The following GLP2R variants were observed in gnomAD, a reference collection of about 807,000 sequenced individuals.
GLP2R encodes the protein glucagon like peptide 2 receptor.
Under a neutral mutation model 68.2 loss-of-function variants are expected in GLP2R, and 59 were observed. The ratio of observed to expected loss-of-function variants is 0.87; its 90% confidence interval spans 0.70 to 1.07. GLP2R has a LOEUF of 1.07. Ranked by LOEUF, GLP2R falls within the 50% of genes least tolerant of loss-of-function variation. The probability of loss-of-function intolerance (pLI) is 0.00; values close to 1 mark genes in which losing one functional copy is unlikely to be tolerated. For synonymous variants in GLP2R, 270 were observed against 265.4 expected, an observed-to-expected ratio of 1.02 and a Z score of -0.17; for missense variants, 548 against 677.4, an observed-to-expected ratio of 0.81 and a Z score of 2.12.
rs1222682115 is a variant in GLP2R at position 9,862,034 on chromosome 17, A to G, written c.1000A>G (p.Asn334Asp). ...TGTTGACCTTAGGTGCTGGACAACA[A>G]ATGGGAATAAGAAAATCTGGTGGAT... ...HLENTGCWTT[N>D]GNKKIWWIIR... Residue 334 changes from asparagine to aspartate, a missense_variant, in exon 9 of 13, where the codon AAT becomes GAT. Coordinates refer to ENST00000262441, the MANE Select transcript of GLP2R (RefSeq NM_004246.3). The G allele has an allele frequency of 6.2e-7, 1 of 1,613,296 alleles. No individual in the cohort carries two copies. The highest frequency in any genetic ancestry group is 1.3e-5 in the African/African-American group (1 of 74,902).
Position 9,861,141 on chromosome 17 carries a change from T to G in GLP2R, c.928T>G (p.Phe310Val), listed in dbSNP as rs771534460. ...ATTTCCCTGTGTTTTCTCCCCAGCC[T>G]TCCCTGTGCTATTTGTTGTACCCTG... ...WPRYLLLGWA[F>V]PVLFVVPWGF... The change falls in exon 8 of 13, where the codon TTC becomes GTC. Residue 310 changes from phenylalanine to valine, a missense_variant and splice_region_variant. Physicochemically the swap from Phe to Val is conservative, Grantham distance 50. Coordinates refer to ENST00000262441, the MANE Select transcript of GLP2R (RefSeq NM_004246.3). 9 of 1,613,366 alleles carry G rather than the reference T, an allele frequency of 5.6e-6. No individual in the cohort carries two copies. The highest frequency in any genetic ancestry group is 7.6e-6 in the Non-Finnish European group (9 of 1,179,512).
intron 4 of GLP2R, among the ~76,000 whole-genome samples, chr17:9,844,264 A>T (rs1413881388): frequency 1.3e-5 from 2 of 152,104 alleles, no homozygotes; most frequent in Non-Finnish European, 2.9e-5. Context: ...TTGTATATTG[A>T]AGTAGGAGAG....
Position 9,845,835 on chromosome 17 carries a change from A to G in GLP2R, c.504+3219A>G, listed in dbSNP as rs377617642. ...GCTTTTTGTTAAGTTATTAAGGTCA[A>G]TGCTATTTCATATAGTTTTTTATTC... On this transcript the variant is annotated intron_variant, in intron 4 of 12. Transcript: ENST00000262441. Among the ~76,000 whole-genome samples, 6 of 152,190 alleles carry G rather than the reference A, an allele frequency of 3.9e-5. No individual in the cohort carries two copies. In the East Asian group the frequency reaches 7.7e-4, roughly 20 times the overall value.
In GLP2R at chr17:9,836,264, C is replaced by T. The variant is rs147269463; in HGVS notation, c.278-107C>T. 2.0e-3 allele frequency: 1,540 copies of T among 752,000 alleles called. 9 individuals are homozygous for T. The highest frequency in any genetic ancestry group is 6.0e-3 in the South Asian group (390 of 65,496). The allele number at this position is 752,000 out of a possible 1,614,324, so 46.6% of individuals were successfully genotyped here. The stretch of plus-strand genomic sequence containing the variant: ...CATGCTGGTTTCTGCACAGGTTACA[C>T]CAGCTTCCAGTGCCAGGAAGGTGGG... On this transcript the variant is annotated intron_variant, in intron 2 of 12. Transcript: ENST00000262441.
intron 1 of GLP2R, among the ~76,000 whole-genome samples, chr17:9,828,457 A>T (rs2066652305): frequency 6.6e-6 from 1 of 152,234 alleles, no homozygotes; most frequent in Admixed American, 6.5e-5. Flanking sequence ...TTTTGTTCAC[A>T]AATGTGGATT....
chr17:9,838,930 G>A (rs772067012), intron 3 of GLP2R, among the ~76,000 whole-genome samples: 1 of 152,318 alleles, frequency 6.6e-6, no homozygotes, highest in African/African-American at 2.4e-5. Context: ...GGAGAATGGC[G>A]TGAACCCGGG....
rs2067185510 is a variant in GLP2R at position 9,880,487 on chromosome 17, T to G, written c.1255T>G (p.Phe419Val). 6.2e-7 allele frequency: 1 copy of G among 1,605,770 alleles called. No homozygotes were observed. Among genetic ancestry groups the G allele is most frequent in the Non-Finnish European group, 8.5e-7 (1 of 1,174,926 alleles). The stretch of plus-strand genomic sequence containing the variant: ...AGGATTTGCAAAACTTATACGACTT[T>G]TCATTCAGTTGACACTGAGCTCCTT... ...VEGFAKLIRL[F>V]IQLTLSSFHG... Residue 419 changes from phenylalanine to valine, a missense_variant, in exon 11 of 13, where the codon TTC becomes GTC. Coordinates refer to ENST00000262441, the MANE Select transcript of GLP2R (RefSeq NM_004246.3).
chr17:9,861,329 T>G, intron 8 of GLP2R, 130 bp downstream of exon 8: 2 of 653,714 alleles, frequency 3.1e-6, no homozygotes, highest in Non-Finnish European at 2.8e-6. Context: ...AGAATATTCT[T>G]AGGAATGGGA....
chr17:9,842,706 C>A, intron 4 of GLP2R, 90 bp downstream of exon 4: 2 of 1,393,376 alleles, frequency 1.4e-6, no homozygotes, highest in South Asian at 1.2e-5. Flanking sequence ...CCAGGGGCCA[C>A]ACAAAGAGGC....
chr17:9,845,417 C>A (rs889517167), intron 4 of GLP2R, among the ~76,000 whole-genome samples: 1 of 152,134 alleles, frequency 6.6e-6, no homozygotes, highest in African/African-American at 2.4e-5. Flanking sequence ...ATTCTTGTCA[C>A]GGGAGCCACC....
chr17:9,837,296 T>A (rs2066741351), intron 3 of GLP2R, among the ~76,000 whole-genome samples: 1 of 152,184 alleles, frequency 6.6e-6, no homozygotes, highest in African/African-American at 2.4e-5. Flanking sequence ...CTGGCAACCA[T>A]CCTTCTACTC....
At chr17:9,851,512 GACTT>G (rs1567724706) in intron 4 of GLP2R, among the ~76,000 whole-genome samples, 1 of 152,180 alleles carries the variant, frequency 6.6e-6, no homozygotes, top group African/African-American at 2.4e-5. Flanking sequence ...TAGAGGGAAA[GACTT>G]AGTTTCAAGG....
chr17:9,872,885 G>C (rs1284261166), intron 10 of GLP2R, among the ~76,000 whole-genome samples: 1 of 152,198 alleles, frequency 6.6e-6, no homozygotes, highest in East Asian at 1.9e-4. Flanking sequence ...AGGTCTAGAA[G>C]GGTAAACATA....
intron 11 of GLP2R, among the ~76,000 whole-genome samples, chr17:9,885,983 A>G (rs186127552): frequency 4.6e-5 from 7 of 152,288 alleles, no homozygotes; most frequent in African/African-American, 1.7e-4. Context: ...ACCAGGACTG[A>G]GCCAGAAAAC....
At chr17:9,834,756 G>C (rs1370586492) in intron 2 of GLP2R, 2 of 152,386 alleles carry the variant, frequency 1.3e-5, no homozygotes, top group South Asian at 4.1e-4. Context: ...GCCCTTCCCA[G>C]CTCCCTTTGA....
Position 9,860,028 on chromosome 17 carries a change from C to T in GLP2R, c.852C>T (p.Tyr284=). ...TATGGCTGCTGGTTGAAGGCCTCTA[C>T]CTCCACACGCTGCTGGAGCCCACAG... is the stretch of plus-strand genomic sequence containing the variant. ...NYLWLLVEGL[Y]LHTLLEPTVL... is the part of the protein sequence containing the mutation. Residue 284 remains tyrosine, a synonymous_variant, in exon 7 of 13, where the codon TAC becomes TAT. Transcript: ENST00000262441. The T allele has an allele frequency of 1.2e-6, 2 of 1,613,758 alleles. No homozygotes were observed. The highest frequency in any genetic ancestry group is 1.7e-6 in the Non-Finnish European group (2 of 1,179,918).
At chr17:9,864,038 T>A (rs146758240) in intron 9 of GLP2R, among the ~76,000 whole-genome samples, 1 of 152,216 alleles carries the variant, frequency 6.6e-6, no homozygotes, top group African/African-American at 2.4e-5. Flanking sequence ...TAGTGTTTAC[T>A]TGCAGTCTTC....
At position 9,890,864 on chromosome 17, in the gene GLP2R, G is replaced by A. The variant is rs1235709129; in HGVS notation, c.*1159G>A. ...TCCACCAGCCTGTGGGATCTTTCCT[G>A]CCTACTGTGACCCATGGAGGCTGAG... On this transcript the variant is annotated 3_prime_UTR_variant, in exon 13 of 13. Coordinates refer to ENST00000262441, the MANE Select transcript of GLP2R (RefSeq NM_004246.3). The A allele has an allele frequency of 1.3e-5, 2 of 152,300 alleles. No homozygotes were observed. Among genetic ancestry groups the A allele is most frequent in the African/African-American group, 4.8e-5 (2 of 41,422 alleles). 9.4% of individuals were successfully genotyped at this position (152,300 alleles called of 1,614,324 possible).
chr17:9,827,287 G>A (rs925294918), intron 1 of GLP2R, among the ~76,000 whole-genome samples: 4 of 152,060 alleles, frequency 2.6e-5, no homozygotes, highest in Non-Finnish European at 5.9e-5. Flanking sequence ...TGGAGCACTT[G>A]CTCTGCACTG....
Sources: gnomAD v4.1 joint callset for allele counts (sites outside exome capture counted in the v4.1 genomes callset) on GRCh38, gnomAD v4.1.1 for gene constraint, MANE v1.5 for transcripts, NCBI Gene and HGNC (gene_info 2026-07-23, HGNC 2026-07-21) for gene names.